FBXO33: variants seen among roughly 807,000 people sequenced by gnomAD.
FBXO33 encodes the protein F-box only protein 33.
In FBXO33, 22 loss-of-function variants were observed where a neutral mutation model predicts 46.3. That is an observed-to-expected ratio of 0.48 (90% confidence interval 0.34 to 0.68). FBXO33 has a LOEUF of 0.68. Ranked by LOEUF, FBXO33 falls within the 30% of genes least tolerant of loss-of-function variation. The probability of loss-of-function intolerance (pLI) is 0.01; values close to 1 mark genes in which losing one functional copy is unlikely to be tolerated. For missense variants in FBXO33, 692 were observed against 708.8 expected (o/e 0.98, Z 0.27); for synonymous variants, 337 against 291.3 (o/e 1.16, Z -1.60).
At chr14:39,430,423 G>A (rs572131823) in intron 1 of FBXO33, among the ~76,000 whole-genome samples, 2 of 152,052 alleles carry the variant, frequency 1.3e-5, no homozygotes, top group Non-Finnish European at 2.9e-5. Context: ...CATTAAACCA[G>A]GGACTGCTCT....
rs961053211 is a variant in FBXO33 at position 39,432,146 on chromosome 14, G to A, written c.17C>T (p.Ser6Leu). The A allele has an allele frequency of 4.8e-6, 6 of 1,237,596 alleles. No individual in the cohort carries two copies. The African/African-American group carries it at 7.8e-5, about 16-fold the overall frequency. The allele number at this position is 1,237,596 out of a possible 1,614,324, so 76.7% of individuals were successfully genotyped here. Residue 6 changes from serine (S) to leucine (L), a missense_variant, in exon 1 of 4, where the codon TCA becomes TTA. By Grantham distance (145) the Ser-to-Leu change is moderately radical. Coordinates refer to ENST00000298097, the MANE Select transcript of FBXO33 (RefSeq NM_203301.4). MLLFL[S>L]VPQPRPPGAR... Reference sequence around the variant, plus strand: ...TCCCGGCGGTCGGGGCTGCGGCACTGACAAGAACAACAACATCAATGACTA... The same window carrying A: ...TCCCGGCGGTCGGGGCTGCGGCACTAACAAGAACAACAACATCAATGACTA...
chr14:39,431,369 T>TTA (rs1418322551), intron 1 of FBXO33, among the ~76,000 whole-genome samples, 195 bp downstream of exon 1: 2 of 152,086 alleles, frequency 1.3e-5, no homozygotes, highest in Admixed American at 6.5e-5. Flanking sequence ...CCACCACTGT[T>TTA]TATAAAGTAT....
In FBXO33 at chr14:39,401,837, G is replaced by C; in HGVS notation, c.735C>G (p.Ile245Met). 1 of 1,612,382 alleles carries C rather than the reference G, an allele frequency of 6.2e-7. No individual in the cohort carries two copies. The highest frequency in any genetic ancestry group is 1.3e-5 in the African/African-American group (1 of 74,942). The change falls in exon 3 of 4, where the codon ATC becomes ATG. Residue 245 changes from isoleucine to methionine, a missense_variant. Physicochemically the swap from Ile to Met is conservative, Grantham distance 10. Transcript: ENST00000298097. ...ATTTCAGTTGCCTACTATTACTCAGGATTTCTTCAAACAGTTGCTGAATTC... is the reference window on the plus strand; with the variant it reads ...ATTTCAGTTGCCTACTATTACTCAGCATTTCTTCAAACAGTTGCTGAATTC... ...IKQIQQLFEE[I>M]LSNSRQLKWL...
intron 1 of FBXO33, among the ~76,000 whole-genome samples, chr14:39,427,341 G>C (rs957273150): frequency 6.6e-6 from 1 of 152,050 alleles, no homozygotes; most frequent in Non-Finnish European, 1.5e-5. Flanking sequence ...CTCTTTTTCA[G>C]TTTTTAGGTA....
Position 39,431,547 on chromosome 14 carries a change from G to A in FBXO33, c.599+17C>T. 6.2e-7 allele frequency: 1 copy of A among 1,609,096 alleles called. No homozygotes were observed. On this transcript the variant is annotated intron_variant, in intron 1 of 3. Transcript: ENST00000298097. ...ACCCCCCGTTACCGGGCGGGGCGGGGCTCAGGGCAAGCCTACCTGTTGTTC... is the reference window on the plus strand; with the variant it reads ...ACCCCCCGTTACCGGGCGGGGCGGGACTCAGGGCAAGCCTACCTGTTGTTC...
intron 1 of FBXO33, 31 bp from the exon 2 acceptor site, chr14:39,402,542 T>C (rs1380859764): frequency 1.8e-6 from 2 of 1,099,274 alleles, no homozygotes; most frequent in South Asian, 4.5e-5. Context: ...AATGATTTGC[T>C]AAATAATTTA....
chr14:39,399,430 A>G lies in FBXO33; in HGVS notation c.*86T>C. 1 of 1,190,392 alleles carries G rather than the reference A, an allele frequency of 8.4e-7. No homozygotes were observed. The highest frequency in any genetic ancestry group is 1.2e-6 in the Non-Finnish European group (1 of 852,902). The allele number at this position is 1,190,392 out of a possible 1,614,324, so 73.7% of individuals were successfully genotyped here. ...GCTAATACTGATTAAACACAGCACAAAAGGATTAATTCACACTACTGAAAA... is the reference window on the plus strand; with the variant it reads ...GCTAATACTGATTAAACACAGCACAGAAGGATTAATTCACACTACTGAAAA... On this transcript the variant is annotated 3_prime_UTR_variant, in exon 4 of 4. Coordinates refer to ENST00000298097, the MANE Select transcript of FBXO33 (RefSeq NM_203301.4).
chr14:39,404,827 A>G (rs559682407), intron 1 of FBXO33, among the ~76,000 whole-genome samples: 39 of 152,072 alleles, frequency 2.6e-4, no homozygotes, highest in Non-Finnish European at 4.4e-4. Context: ...CAAAGAAAAA[A>G]TTTTGTAAGC....
rs1454838142 is a variant in FBXO33, at chr14:39,399,296, A to G, written c.*220T>C. ...CTGTATATCCTTAAGGTTTGGTAACAAGTCCATTAACCGTGAAAGCCCTAT... is the reference window on the plus strand; with the variant it reads ...CTGTATATCCTTAAGGTTTGGTAACGAGTCCATTAACCGTGAAAGCCCTAT... On this transcript the variant is annotated 3_prime_UTR_variant, in exon 4 of 4. Transcript: ENST00000298097. The G allele has an allele frequency of 5.4e-6, 2 of 369,754 alleles. No homozygotes were observed. The highest frequency in any genetic ancestry group is 9.6e-6 in the Non-Finnish European group (2 of 208,232). 22.9% of individuals were successfully genotyped at this position (369,754 alleles called of 1,614,324 possible).
rs77015249 is a variant in FBXO33 at position 39,426,733 on chromosome 14, T to C, written c.599+4831A>G. The stretch of plus-strand genomic sequence containing the variant: ...CTGTTTCTTGTGTGTGGAATGCTAT[T>C]TGCTCAGATCTTCAGATGGGCAACG... On this transcript the variant is annotated intron_variant, in intron 1 of 3. Transcript: ENST00000298097. Among the ~76,000 whole-genome samples, 76 of 152,350 alleles carry C rather than the reference T, an allele frequency of 5.0e-4. 1 individual carries two copies. The East Asian group carries it at 0.014, about 28-fold the overall frequency.
At chr14:39,428,529 A>C (rs2075527186) in intron 1 of FBXO33, among the ~76,000 whole-genome samples, 1 of 152,166 alleles carries the variant, frequency 6.6e-6, no homozygotes, top group Non-Finnish European at 1.5e-5. Context: ...ACAACAACAA[A>C]AAAGTACTGC....
At chr14:39,421,162 G>A (rs1331418145) in intron 1 of FBXO33, among the ~76,000 whole-genome samples, 1 of 152,178 alleles carries the variant, frequency 6.6e-6, no homozygotes, top group Non-Finnish European at 1.5e-5. Flanking sequence ...CTTGCCTCAG[G>A]TGACTATGTT....
At chr14:39,427,818 C>G (rs1705070070) in intron 1 of FBXO33, among the ~76,000 whole-genome samples, 1 of 152,014 alleles carries the variant, frequency 6.6e-6, no homozygotes, top group Non-Finnish European at 1.5e-5. Flanking sequence ...CATGGTGGTG[C>G]ATGCCTGTAG....
At chr14:39,431,251 A>C (rs1436118645) in intron 1 of FBXO33, among the ~76,000 whole-genome samples, 1 of 152,152 alleles carries the variant, frequency 6.6e-6, no homozygotes, top group Non-Finnish European at 1.5e-5. Context: ...TAACGCTCCC[A>C]TATATAAAAT....
At chr14:39,410,827 A>G (rs2139408100) in intron 1 of FBXO33, among the ~76,000 whole-genome samples, 1 of 152,188 alleles carries the variant, frequency 6.6e-6, no homozygotes, top group South Asian at 2.1e-4. Context: ...GGCTCACAGG[A>G]GTCTCTTATA....
chr14:39,414,359 G>A (rs2075437733), intron 1 of FBXO33, among the ~76,000 whole-genome samples: 1 of 152,218 alleles, frequency 6.6e-6, no homozygotes, highest in South Asian at 2.1e-4. Context: ...AGGGAATGTT[G>A]TGGCTAGTTT....
intron 1 of FBXO33, among the ~76,000 whole-genome samples, chr14:39,415,594 T>C (rs776558833): frequency 2.6e-5 from 4 of 152,236 alleles, no homozygotes; most frequent in Non-Finnish European, 4.4e-5. Context: ...CATACGTTGC[T>C]ACTGATGTTC....
rs1234376949 is a variant in FBXO33 at position 39,401,331 on chromosome 14, A to G, written c.1241T>C (p.Ile414Thr). 1.2e-6 allele frequency: 2 copies of G among 1,614,100 alleles called. No homozygotes were observed. Among genetic ancestry groups the G allele is most frequent in the African/African-American group, 2.7e-5 (2 of 74,946 alleles). Residue 414 changes from isoleucine (I) to threonine (T), a missense_variant, in exon 3 of 4, where the codon ATA becomes ACA. By Grantham distance (89) the Ile-to-Thr change is moderately conservative (BLOSUM62 -1). Transcript: ENST00000298097. ...TCVSGAIVDL[I>T]SRQYDKFLTH... The stretch of plus-strand genomic sequence containing the variant: ...GAGGAACTTGTCATATTGCCTGGAT[A>G]TAAGATCAACAATAGCCCCTGAAAC...
intron 1 of FBXO33, 30 bp downstream of exon 1, chr14:39,431,534 C>T (rs764372107): frequency 4.6e-5 from 74 of 1,606,796 alleles, no homozygotes; most frequent in Non-Finnish European, 5.8e-5. Context: ...CCCCCGTTAC[C>T]GGGCGGGGCG....
Sources: gnomAD v4.1 joint callset for allele counts (sites outside exome capture counted in the v4.1 genomes callset) on GRCh38, gnomAD v4.1.1 for gene constraint, MANE v1.5 for transcripts, NCBI Gene and HGNC (gene_info 2026-07-23, HGNC 2026-07-21) for gene names.